Variants in CREBBP observed in about 807,000 individuals in gnomAD.
The protein encoded by CREBBP is CREB binding lysine acetyltransferase, also known as CREB-binding protein.
A neutral mutation model predicts 265.0 loss-of-function variants in CREBBP; 19 were observed. The observed-to-expected ratio is 0.07, with a 90% CI of 0.05 to 0.11. CREBBP has a LOEUF of 0.11. Ranked by LOEUF, CREBBP falls within the 10% of genes least tolerant of loss-of-function variation. The pLI is 1.00. For missense variants in CREBBP, 2,525 were observed against 3,219.0 expected, an observed-to-expected ratio of 0.78 and a Z score of 5.22; for synonymous variants, 1,457 against 1,223.7, an observed-to-expected ratio of 1.19 and a Z score of -3.98.
intron 5 of CREBBP, among the ~76,000 whole-genome samples, chr16:3,788,663 G>A (rs948389162): frequency 6.6e-6 from 1 of 152,174 alleles, no homozygotes; most frequent in Non-Finnish European, 1.5e-5. Context: ...AGGAAAAATC[G>A]AATGAGGCCA....
intron 13 of CREBBP, among the ~76,000 whole-genome samples, chr16:3,772,185 T>A (rs1275560740): frequency 1.8e-5 from 2 of 113,526 alleles, no homozygotes; most frequent in African/African-American, 1.4e-4. Flanking sequence ...GAAAAAGGTA[T>A]TTTTTTTTTA....
chr16:3,797,147 G>A (rs2053623964), intron 3 of CREBBP, among the ~76,000 whole-genome samples: 1 of 152,164 alleles, frequency 6.6e-6, no homozygotes, highest in African/African-American at 2.4e-5. Flanking sequence ...AGGATGGAGG[G>A]AGAGTACTTC....
At chr16:3,836,814 G>C (rs2054461350) in intron 2 of CREBBP, among the ~76,000 whole-genome samples, 1 of 152,156 alleles carries the variant, frequency 6.6e-6, no homozygotes, top group African/African-American at 2.4e-5. Flanking sequence ...CTCATACACA[G>C]TGGTCCCAGA....
At chr16:3,833,669 C>T (rs2054386826) in intron 2 of CREBBP, among the ~76,000 whole-genome samples, 1 of 151,934 alleles carries the variant, frequency 6.6e-6, no homozygotes, top group Non-Finnish European at 1.5e-5. Flanking sequence ...TGGTGTAAAA[C>T]CTAGGAATTA....
At chr16:3,741,923 A>C (rs532307586) in intron 23 of CREBBP, 1 of 152,154 alleles carries the variant, frequency 6.6e-6, no homozygotes, top group African/African-American at 2.4e-5. Flanking sequence ...AAAAACAGAA[A>C]AAATTAGGAC....
chr16:3,791,911 C>T, intron 5 of CREBBP, 70 bp downstream of exon 5: 2 of 1,339,826 alleles, frequency 1.5e-6, no homozygotes, highest in East Asian at 4.6e-5. Context: ...TCCCTACCTA[C>T]TCTCTGAATT....
intron 2 of CREBBP, among the ~76,000 whole-genome samples, chr16:3,849,439 G>GACCT (rs2054760577): frequency 5.8e-5 from 1 of 17,218 alleles, no homozygotes; most frequent in African/African-American, 1.1e-4. Context: ...GTGTGTGTGT[G>GACCT]TGTGTGTGTG....
intron 1 of CREBBP, among the ~76,000 whole-genome samples, chr16:3,851,566 T>C (rs981168342): frequency 1.3e-4 from 20 of 151,512 alleles, no homozygotes; most frequent in Admixed American, 5.2e-4. Context: ...TTTAAGAATG[T>C]ATGTGTGGCC....
chr16:3,860,442 T>C (rs1395390830), intron 1 of CREBBP, among the ~76,000 whole-genome samples: 2 of 152,024 alleles, frequency 1.3e-5, no homozygotes, highest in Non-Finnish European at 2.9e-5. Flanking sequence ...ACTCCTAAAC[T>C]CCTGGACTCA....
intron 2 of CREBBP, among the ~76,000 whole-genome samples, chr16:3,846,836 G>A (rs1048210535): frequency 6.6e-6 from 1 of 152,150 alleles, no homozygotes. Flanking sequence ...AGAAATAATA[G>A]TTGCCTTTGG....
In CREBBP at chr16:3,728,722, C is replaced by T. The variant is rs1174069554; in HGVS notation, c.6325G>A (p.Val2109Met). 4.3e-6 allele frequency: 7 copies of T among 1,613,920 alleles called. No individual in the cohort carries two copies. Among genetic ancestry groups the T allele is most frequent in the Admixed American group, 1.7e-5 (1 of 60,026 alleles). The change falls in exon 31 of 31, where the codon GTG becomes ATG. Residue 2109 changes from valine (V) to methionine (M), a missense_variant. By Grantham distance (21) the Val-to-Met change is conservative (BLOSUM62 1). Coordinates refer to ENST00000262367, the MANE Select transcript of CREBBP (RefSeq NM_004380.3). The surrounding 1 kb of genome is among the most constrained non-coding windows in gnomAD (Gnocchi z 8.7). ...AFIKQRTAKYVANQPGMQPQP... is the reference protein window; with the variant it reads ...AFIKQRTAKYMANQPGMQPQP... ...GGCTGCATGCCGGGCTGATTGGCCA[C>T]GTACTTGGCTGTGCGCTGTTTGATG...
intron 1 of CREBBP, among the ~76,000 whole-genome samples, chr16:3,858,402 C>T (rs2055006297): frequency 6.6e-6 from 1 of 152,204 alleles, no homozygotes; most frequent in South Asian, 2.1e-4. Flanking sequence ...ACTGACAGGA[C>T]TGGTCTATCA....
At position 3,848,987 on chromosome 16, in the gene CREBBP, C is replaced by T. The variant is rs116425945; in HGVS notation, c.798+1310G>A. 4.6e-3 allele frequency among the ~76,000 whole-genome samples: 704 copies of T among 152,266 alleles called. 8 individuals are homozygous for T. The highest frequency in any genetic ancestry group is 0.016 in the African/African-American group (661 of 41,532). On this transcript the variant is annotated intron_variant, in intron 2 of 30. Transcript: ENST00000262367. ...TCCGACATTCACAGGGTTTTGCATC[C>T]GTCACCCAACGCTCTCATCAACCTT... is the stretch of plus-strand genomic sequence containing the variant.
At chr16:3,813,610 T>C (rs561411536) in intron 2 of CREBBP, among the ~76,000 whole-genome samples, 19 of 152,216 alleles carry the variant, frequency 1.2e-4, no homozygotes, top group Admixed American at 3.3e-4. Context: ...TAGTTTTTTT[T>C]CCCCCAGTTC....
At chr16:3,849,479 G>GACCT (rs2054777317) in intron 2 of CREBBP, among the ~76,000 whole-genome samples, 1 of 121,046 alleles carries the variant, frequency 8.3e-6, no homozygotes, top group East Asian at 2.6e-4. Context: ...GTGTGTGTGT[G>GACCT]TGTGTGTGTG....
intron 21 of CREBBP, 180 bp from the exon 22 acceptor site, chr16:3,745,534 C>A: frequency 3.1e-6 from 2 of 646,498 alleles, no homozygotes; most frequent in Non-Finnish European, 2.8e-6. Context: ...ATATCTTCTA[C>A]AGGAAAAAGC....
At chr16:3,810,898 C>T in intron 2 of CREBBP, 119 bp from the exon 3 acceptor site, 1 of 1,029,308 alleles carries the variant, frequency 9.7e-7, no homozygotes, top group Non-Finnish European at 1.5e-6. Context: ...ATTCAAGGTT[C>T]ATTATCAGGT....
chr16:3,808,981 G>C (rs889502755), intron 3 of CREBBP, among the ~76,000 whole-genome samples: 1 of 152,124 alleles, frequency 6.6e-6, no homozygotes, highest in Non-Finnish European at 1.5e-5. Context: ...GCTGACCTAG[G>C]GTCCTCTGGG....
rs1411086593 is a variant in CREBBP, at chr16:3,729,439, C to T, written c.5608G>A (p.Ala1870Thr). 6.2e-7 allele frequency: 1 copy of T among 1,613,910 alleles called. No homozygotes were observed. Among genetic ancestry groups the T allele is most frequent in the African/African-American group, 1.3e-5 (1 of 75,026 alleles). ...GGCACGTTGCGGGTGTTCATGGTGGCCATCCGCCGGCGCATGAGCTGGGCC... is the reference window on the plus strand; with the variant it reads ...GGCACGTTGCGGGTGTTCATGGTGGTCATCCGCCGGCGCATGAGCTGGGCC... Reference protein sequence around the residue: ...QQAQLMRRRMATMNTRNVPQQ... With the variant: ...QQAQLMRRRMTTMNTRNVPQQ... Residue 1870 changes from alanine to threonine, a missense_variant, in exon 31 of 31, where the codon GCC becomes ACC. Transcript: ENST00000262367.
Sources: allele counts gnomAD v4.1 joint callset (sites outside exome capture counted in the v4.1 genomes callset), GRCh38; gene constraint gnomAD v4.1.1; non-coding constraint Gnocchi (gnomAD v3.1); transcripts MANE v1.5; gene names NCBI Gene and HGNC (gene_info 2026-07-23, HGNC 2026-07-21).